HNF1B: variants seen among roughly 807,000 people sequenced by gnomAD.
The protein encoded by HNF1B is hepatocyte nuclear factor 1-beta.
A neutral mutation model predicts 61.7 loss-of-function variants in HNF1B; 8 were observed. That is an observed-to-expected ratio of 0.13 (90% CI 0.08 to 0.23). The LOEUF (loss-of-function observed/expected upper bound fraction) is 0.23, where lower values mean the gene tolerates loss of function less well. HNF1B is among the 10% of genes least tolerant of loss of function. The pLI, the probability that HNF1B is intolerant of heterozygous loss-of-function variation, is 1.00. For missense variants in HNF1B, 562 were observed against 714.5 expected, an observed-to-expected ratio of 0.79 and a Z score of 2.43; for synonymous variants, 314 against 287.7, an observed-to-expected ratio of 1.09 and a Z score of -0.93.
chr17:37,727,217 C>T (rs1162412690), intron 4 of HNF1B, among the ~76,000 whole-genome samples: 2 of 152,198 alleles, frequency 1.3e-5, no homozygotes, highest in Non-Finnish European at 2.9e-5. Context: ...GATTCATCTC[C>T]AGAAGGGAGG....
At chr17:37,688,064 T>C (rs2032041711) in intron 8 of HNF1B, among the ~76,000 whole-genome samples, 2 of 152,164 alleles carry the variant, frequency 1.3e-5, no homozygotes, top group African/African-American at 4.8e-5. Context: ...TACTTTAGCA[T>C]AAGAAACTCA....
At chr17:37,714,420 T>C (rs1461910499) in intron 4 of HNF1B, among the ~76,000 whole-genome samples, 1 of 152,242 alleles carries the variant, frequency 6.6e-6, no homozygotes, top group Non-Finnish European at 1.5e-5. Flanking sequence ...TCTGGTTTAA[T>C]ATTGATTAAC....
chr17:37,730,894 A>G (rs3744763), intron 4 of HNF1B: 48,295 of 155,150 alleles, frequency 0.31, 9,071 homozygotes, highest in East Asian at 0.54. Context: ...GCTTTCCCCC[A>G]AGGAGGCTGT....
At chr17:37,689,037 T>G (rs1403324415) in intron 8 of HNF1B, among the ~76,000 whole-genome samples, 2 of 150,468 alleles carry the variant, frequency 1.3e-5, no homozygotes, top group Non-Finnish European at 2.9e-5. Context: ...CCCAGCTACT[T>G]GAGAGGCTGA....
intron 8 of HNF1B, among the ~76,000 whole-genome samples, chr17:37,688,791 A>G (rs1170988476): frequency 6.6e-6 from 1 of 152,132 alleles, no homozygotes; most frequent in Non-Finnish European, 1.5e-5. Flanking sequence ...CCTTGGCACA[A>G]TTGTTATTAT....
At chr17:37,727,527 C>T (rs976788683) in intron 4 of HNF1B, among the ~76,000 whole-genome samples, 16 of 152,194 alleles carry the variant, frequency 1.1e-4, no homozygotes, top group African/African-American at 3.6e-4. Context: ...GGAGACAAAG[C>T]CATGACAACC....
intron 4 of HNF1B, among the ~76,000 whole-genome samples, chr17:37,727,673 AC>A (rs2033544833): frequency 6.6e-6 from 1 of 152,044 alleles, no homozygotes; most frequent in African/African-American, 2.4e-5. Flanking sequence ...TCCTCCTGCC[AC>A]CCCTATTGTG....
At chr17:37,715,345 C>T (rs1254152961) in intron 4 of HNF1B, among the ~76,000 whole-genome samples, 1 of 152,132 alleles carries the variant, frequency 6.6e-6, no homozygotes, top group South Asian at 2.1e-4. Context: ...CTTTGAGCAC[C>T]CATGCCCCAG....
chr17:37,736,184 G>C (rs2033827141), intron 2 of HNF1B, among the ~76,000 whole-genome samples: 1 of 152,252 alleles, frequency 6.6e-6, no homozygotes, highest in African/African-American at 2.4e-5. Context: ...CCCCTGCTCA[G>C]TGAGGTCTGT....
intron 8 of HNF1B, among the ~76,000 whole-genome samples, chr17:37,697,188 G>A (rs1036693477): frequency 6.6e-6 from 1 of 152,244 alleles, no homozygotes; most frequent in Admixed American, 6.5e-5. Flanking sequence ...GGAGGTTGCA[G>A]TAAAAAGAAA....
intron 8 of HNF1B, among the ~76,000 whole-genome samples, chr17:37,691,772 C>T (rs968237842): frequency 1.3e-5 from 2 of 152,162 alleles, no homozygotes; most frequent in Non-Finnish European, 2.9e-5. Flanking sequence ...CTGCCTAACT[C>T]CCAGGTCGAT....
intron 2 of HNF1B, among the ~76,000 whole-genome samples, chr17:37,735,264 G>C (rs977951313): frequency 6.6e-6 from 1 of 152,116 alleles, no homozygotes; most frequent in Non-Finnish European, 1.5e-5. Flanking sequence ...ACTACTTAAC[G>C]TTTGAATCCC....
chr17:37,724,912 G>A (rs1247147440), intron 4 of HNF1B, among the ~76,000 whole-genome samples: 11 of 115,106 alleles, frequency 9.6e-5, no homozygotes, highest in African/African-American at 5.7e-4. Context: ...GCGTGTGTGT[G>A]TGTGTGTGTG....
intron 4 of HNF1B, chr17:37,729,765 T>C (rs1349882717): frequency 1.3e-5 from 2 of 152,290 alleles, no homozygotes; most frequent in East Asian, 3.8e-4. Flanking sequence ...GTCCTTGTTT[T>C]GCTACCATTG....
chr17:37,695,858 G>A (rs1398928348), intron 8 of HNF1B, among the ~76,000 whole-genome samples: 1 of 152,176 alleles, frequency 6.6e-6, no homozygotes, highest in Non-Finnish European at 1.5e-5. Flanking sequence ...GCTCATAGGT[G>A]GAAGGACTTG....
Position 37,744,717 on chromosome 17 carries a change from G to A in HNF1B, c.168C>T (p.Pro56=). 1 of 1,613,410 alleles carries A rather than the reference G, an allele frequency of 6.2e-7. No homozygotes were observed. Among genetic ancestry groups the A allele is most frequent in the Non-Finnish European group, 8.5e-7 (1 of 1,180,042 alleles). The change falls in exon 1 of 9, where the codon CCC becomes CCT. Residue 56 remains proline (P), a synonymous_variant. Coordinates refer to ENST00000617811, the MANE Select transcript of HNF1B (RefSeq NM_000458.4). ...GAGTATGGAAGACCGGCTTGGTGTC[G>A]GGCTCGGCCCCGCTGCCAGGGGACA... ...LPLSPGSGAE[P]DTKPVFHTLT...
chr17:37,708,503 G>A (rs1434884476), intron 5 of HNF1B, among the ~76,000 whole-genome samples: 1 of 152,190 alleles, frequency 6.6e-6, no homozygotes, highest in Non-Finnish European at 1.5e-5. Context: ...AGAAGGAGGA[G>A]AGGCAGAGCT....
At chr17:37,692,482 A>G (rs1263836678) in intron 8 of HNF1B, among the ~76,000 whole-genome samples, 1 of 152,228 alleles carries the variant, frequency 6.6e-6, no homozygotes, top group Non-Finnish European at 1.5e-5. Context: ...TGCTTTGTAA[A>G]TCAGGTATAA....
intron 2 of HNF1B, among the ~76,000 whole-genome samples, chr17:37,738,313 A>T (rs2033894240): frequency 6.6e-6 from 1 of 152,220 alleles, no homozygotes; most frequent in South Asian, 2.1e-4. Flanking sequence ...AAACACCACA[A>T]TATGAAATGA....
Sources: allele counts gnomAD v4.1 joint callset (sites outside exome capture counted in the v4.1 genomes callset), GRCh38; gene constraint gnomAD v4.1.1; transcripts MANE v1.5; gene names NCBI Gene and HGNC (gene_info 2026-07-23, HGNC 2026-07-21).